The following AGBL4 variants were observed in gnomAD, a reference collection of about 807,000 sequenced individuals.
The protein encoded by AGBL4 is cytosolic carboxypeptidase 6.
AGBL4 carries 58 observed loss-of-function variants against 66.4 expected under a neutral mutation model. The observed-to-expected ratio is 0.87, with a 90% CI of 0.71 to 1.09. AGBL4 has a LOEUF of 1.09. Among genes scored for constraint, AGBL4 ranks in the 50% least tolerant of loss-of-function variants. The pLI is 0.00. For synonymous variants in AGBL4, 234 were observed against 222.9 expected (o/e 1.05, Z -0.44); for missense variants, 579 against 631.0 (o/e 0.92, Z 0.88).
chr1:49,983,194 G>C (rs1659214578), intron 1 of AGBL4, among the ~76,000 whole-genome samples: 1 of 152,228 alleles, frequency 6.6e-6, no homozygotes, highest in Admixed American at 6.5e-5. Flanking sequence ...AAGAAGGAGA[G>C]AAGAGCTGCA....
intron 3 of AGBL4, among the ~76,000 whole-genome samples, chr1:49,475,693 T>C (rs939697615): frequency 5.3e-5 from 8 of 152,140 alleles, no homozygotes; most frequent in Admixed American, 5.2e-4. Context: ...CCATTTCCTC[T>C]AGATTTTCCA....
At position 49,097,728 on chromosome 1, in the gene AGBL4, G is replaced by T. The variant is rs531074709; in HGVS notation, c.378-51928C>A. Among the ~76,000 whole-genome samples, 14 of 152,314 alleles carry T rather than the reference G, an allele frequency of 9.2e-5. No individual in the cohort carries two copies. The East Asian group carries it at 2.5e-3, about 27-fold the overall frequency. ...CCGGAGTAGCTGGGATTACAGGCGTGCACCACCACATCTGGCTAATTTTTG... is the reference window on the plus strand; with the variant it reads ...CCGGAGTAGCTGGGATTACAGGCGTTCACCACCACATCTGGCTAATTTTTG... On this transcript the variant is annotated intron_variant, in intron 4 of 13. Coordinates refer to ENST00000371839, the MANE Select transcript of AGBL4 (RefSeq NM_032785.4).
At chr1:49,837,800 G>T (rs998267868) in intron 2 of AGBL4, among the ~76,000 whole-genome samples, 1 of 152,158 alleles carries the variant, frequency 6.6e-6, no homozygotes, top group East Asian at 1.9e-4. Context: ...AGCTGAGATC[G>T]TGCCACTGCA....
At chr1:49,492,557 G>T (rs908531127) in intron 3 of AGBL4, among the ~76,000 whole-genome samples, 3 of 151,872 alleles carry the variant, frequency 2.0e-5, no homozygotes, top group African/African-American at 7.2e-5. Context: ...GATTGCATCT[G>T]TGTTCCTTTT....
At chr1:48,974,321 T>C (rs935007763) in intron 5 of AGBL4, among the ~76,000 whole-genome samples, 13 of 152,160 alleles carry the variant, frequency 8.5e-5, no homozygotes, top group African/African-American at 3.1e-4. Context: ...GCTGAGCTTT[T>C]TGTGAGGGCA....
intron 5 of AGBL4, among the ~76,000 whole-genome samples, chr1:48,999,433 C>T (rs1661237958): frequency 6.6e-6 from 1 of 152,150 alleles, no homozygotes; most frequent in Admixed American, 6.5e-5. Flanking sequence ...TTAATCTGAT[C>T]TCCTCTCTCA....
chr1:49,964,895 A>G (rs1657425703), intron 1 of AGBL4, among the ~76,000 whole-genome samples: 3 of 152,162 alleles, frequency 2.0e-5, no homozygotes, highest in Non-Finnish European at 4.4e-5. Context: ...TTTATTTATA[A>G]TTTAAAGTGA....
intron 11 of AGBL4, 187 bp downstream of exon 11, chr1:48,586,817 G>A (rs1644828557): frequency 1.5e-6 from 1 of 679,510 alleles, no homozygotes; most frequent in Non-Finnish European, 2.5e-6. Context: ...ATTGGGGTAG[G>A]AGTATCATAC....
At chr1:49,795,208 AT>A (rs1443696215) in intron 2 of AGBL4, among the ~76,000 whole-genome samples, 4 of 151,818 alleles carry the variant, frequency 2.6e-5, no homozygotes. Context: ...TAAAAAAAAA[AT>A]AGAAGTACCA....
intron 11 of AGBL4, among the ~76,000 whole-genome samples, chr1:48,556,823 C>T (rs1424560449): frequency 1.3e-5 from 2 of 152,308 alleles, no homozygotes; most frequent in East Asian, 1.9e-4. Flanking sequence ...GAGTGTCACT[C>T]TGTAGCCCAA....
rs376275236 is a variant in AGBL4 at position 48,913,414 on chromosome 1, C to T, written c.595-46184G>A. Among the ~76,000 whole-genome samples the T allele has an allele frequency of 7.9e-5, 12 of 152,252 alleles. No individual in the cohort carries two copies. In the East Asian group the frequency reaches 1.9e-3, roughly 24 times the overall value. On this transcript the variant is annotated intron_variant, in intron 5 of 13. Coordinates refer to ENST00000371839, the MANE Select transcript of AGBL4 (RefSeq NM_032785.4). ...GGGATGCACAGCAGGAGGTGAGCGGCGGGCTAGAGAGCAAAGCTTCATCTG... is the reference window on the plus strand; with the variant it reads ...GGGATGCACAGCAGGAGGTGAGCGGTGGGCTAGAGAGCAAAGCTTCATCTG...
chr1:49,680,839 AC>A (rs1646678832), intron 3 of AGBL4, among the ~76,000 whole-genome samples: 1 of 151,202 alleles, frequency 6.6e-6, no homozygotes. Flanking sequence ...AACTTCAATA[AC>A]ATGAATTTAG....
At chr1:48,988,488 G>A (rs1027916936) in intron 5 of AGBL4, among the ~76,000 whole-genome samples, 14 of 152,126 alleles carry the variant, frequency 9.2e-5, no homozygotes, top group Non-Finnish European at 1.5e-4. Context: ...AAATATTTCA[G>A]AGGCCACAGG....
At chr1:48,648,623 C>A (rs894678781) in intron 8 of AGBL4, among the ~76,000 whole-genome samples, 1 of 152,158 alleles carries the variant, frequency 6.6e-6, no homozygotes, top group African/African-American at 2.4e-5. Context: ...CCTGGATGTA[C>A]CCTATGGCCT....
chr1:49,653,004 G>A (rs1040793230), intron 3 of AGBL4, among the ~76,000 whole-genome samples: 3 of 152,048 alleles, frequency 2.0e-5, no homozygotes, highest in Admixed American at 6.6e-5. Flanking sequence ...ATCCCACTCC[G>A]CCTGACTGGG....
chr1:49,967,198 C>A lies in AGBL4; in HGVS notation c.34+56565G>T, dbSNP rs145657371. Among the ~76,000 whole-genome samples, 1,033 of 152,278 alleles carry A rather than the reference C, an allele frequency of 6.8e-3. 9 individuals carry two copies. The highest frequency in any genetic ancestry group is 0.024 in the African/African-American group (994 of 41,554). On this transcript the variant is annotated intron_variant, in intron 1 of 13. Coordinates refer to ENST00000371839, the MANE Select transcript of AGBL4 (RefSeq NM_032785.4). The stretch of plus-strand genomic sequence containing the variant: ...TTCCTGACTTTTAATGATCACCATT[C>A]TAACTGGTGTGAGATGGTATCTCAC...
intron 6 of AGBL4, among the ~76,000 whole-genome samples, chr1:48,740,279 TAGC>T (rs1649711720): frequency 1.3e-5 from 2 of 152,208 alleles, no homozygotes; most frequent in South Asian, 4.1e-4. Flanking sequence ...TTCAGGGATG[TAGC>T]AGAACAGACT....
intron 6 of AGBL4, among the ~76,000 whole-genome samples, chr1:48,672,680 C>T (rs540921172): frequency 3.3e-5 from 5 of 152,296 alleles, no homozygotes; most frequent in Non-Finnish European, 2.9e-5. Flanking sequence ...TTAAAACGAG[C>T]TGTTGGAGTC....
At chr1:49,218,380 T>C (rs1037559650) in intron 4 of AGBL4, among the ~76,000 whole-genome samples, 1 of 152,068 alleles carries the variant, frequency 6.6e-6, no homozygotes, top group African/African-American at 2.4e-5. Context: ...AAAACAATGA[T>C]GCTATCAAAA....
Sources: gnomAD v4.1 joint callset for allele counts (sites outside exome capture counted in the v4.1 genomes callset) on GRCh38, gnomAD v4.1.1 for gene constraint, MANE v1.5 for transcripts, NCBI Gene and HGNC (gene_info 2026-07-23, HGNC 2026-07-21) for gene names.